Variants in ADGB observed in about 807,000 individuals in gnomAD.
ADGB encodes calpain-7-like protein.
A neutral mutation model predicts 210.5 loss-of-function variants in ADGB; 172 were observed. That is an observed-to-expected ratio of 0.82 (90% CI 0.72 to 0.93). The LOEUF is 0.93. ADGB is among the 40% of genes least tolerant of loss of function. The probability of loss-of-function intolerance (pLI) is 0.00; values close to 1 mark genes in which losing one functional copy is unlikely to be tolerated. For missense variants in ADGB, 2,025 were observed against 1,964.8 expected, an observed-to-expected ratio of 1.03 and a Z score of -0.58; for synonymous variants, 658 against 662.7, an observed-to-expected ratio of 0.99 and a Z score of 0.11.
At chr6:146,672,197 A>G in intron 7 of ADGB, 23 bp from the exon 8 acceptor site, 1 of 1,461,052 alleles carries the variant, frequency 6.8e-7, no homozygotes, top group Non-Finnish European at 9.1e-7. Context: ...TTTGGAAATT[A>G]ATGTTTTTGT....
chr6:146,734,223 C>T (rs1307287304), intron 22 of ADGB, among the ~76,000 whole-genome samples, 193 bp downstream of exon 22: 1 of 152,172 alleles, frequency 6.6e-6, no homozygotes, highest in Non-Finnish European at 1.5e-5. Context: ...GGCACAGTGC[C>T]TGGTGCATCA....
chr6:146,613,906 A>C (rs747249853), intron 1 of ADGB, among the ~76,000 whole-genome samples: 164 of 152,024 alleles, frequency 1.1e-3, no homozygotes, highest in Non-Finnish European at 2.1e-3. Context: ...TTTTAATAAA[A>C]TTATAGACTA....
chr6:146,690,633 G>A (rs1170503354), intron 10 of ADGB, among the ~76,000 whole-genome samples: 5 of 152,166 alleles, frequency 3.3e-5, no homozygotes, highest in Non-Finnish European at 5.9e-5. Flanking sequence ...GGGATCTTAT[G>A]TGGAGGAACA....
chr6:146,651,538 T>G (rs1327577692), intron 3 of ADGB, among the ~76,000 whole-genome samples: 1 of 152,214 alleles, frequency 6.6e-6, no homozygotes, highest in African/African-American at 2.4e-5. Context: ...AGGCGAAACA[T>G]GTACCCGCGG....
At chr6:146,671,064 A>G (rs1328453632) in intron 7 of ADGB, among the ~76,000 whole-genome samples, 1 of 152,196 alleles carries the variant, frequency 6.6e-6, no homozygotes, top group African/African-American at 2.4e-5. Context: ...ATTATGTGCT[A>G]TGGAATCCTA....
At position 146,763,939 on chromosome 6, in the gene ADGB, A is replaced by G; in HGVS notation, c.3589A>G (p.Lys1197Glu). Reference sequence around the variant, plus strand: ...TCTTTCATTTCACTCTGCATCCAAGAAAGAGCAAGAAGTGTATGTTAAGAA... The same window carrying G: ...TCTTTCATTTCACTCTGCATCCAAGGAAGAGCAAGAAGTGTATGTTAAGAA... ...HILSFHSASKKEQEVYVKKKA... is the reference protein window; with the variant it reads ...HILSFHSASKEEQEVYVKKKA... The change falls in exon 28 of 36, where the codon AAA becomes GAA. Residue 1197 changes from lysine (K) to glutamate (E), a missense_variant. Coordinates refer to ENST00000397944, the MANE Select transcript of ADGB (RefSeq NM_024694.4). The G allele has an allele frequency of 2.6e-6, 4 of 1,551,282 alleles. No homozygotes were observed. Among genetic ancestry groups the G allele is most frequent in the Non-Finnish European group, 3.5e-6 (4 of 1,146,786 alleles).
chr6:146,751,445 A>G (rs1483175499), intron 26 of ADGB, among the ~76,000 whole-genome samples: 4 of 152,026 alleles, frequency 2.6e-5, no homozygotes, highest in African/African-American at 9.7e-5. Flanking sequence ...GAACATATGC[A>G]TGCATGTATC....
chr6:146,729,682 A>G (rs1776950248), intron 20 of ADGB, among the ~76,000 whole-genome samples: 1 of 152,162 alleles, frequency 6.6e-6, no homozygotes, highest in South Asian at 2.1e-4. Flanking sequence ...GGCTTCAAGC[A>G]ATCCTCCTGG....
intron 35 of ADGB, among the ~76,000 whole-genome samples, chr6:146,806,517 G>A (rs1367412110): frequency 6.6e-6 from 1 of 152,048 alleles, no homozygotes; most frequent in African/African-American, 2.4e-5. Flanking sequence ...ATTATCTTTT[G>A]TAAAAACTTC....
At chr6:146,635,233 C>G (rs1206156218) in intron 1 of ADGB, 142 bp from the exon 2 acceptor site, 1 of 700,462 alleles carries the variant, frequency 1.4e-6, no homozygotes, top group African/African-American at 1.9e-5. Context: ...GTAGAAGTTG[C>G]CTAGCCACAA....
intron 14 of ADGB, among the ~76,000 whole-genome samples, chr6:146,715,866 G>A (rs957646671): frequency 3.3e-5 from 5 of 151,702 alleles, no homozygotes; most frequent in Admixed American, 1.3e-4. Context: ...TCAGTAGATC[G>A]AGACCATCCT....
intron 27 of ADGB, among the ~76,000 whole-genome samples, chr6:146,761,768 GGA>G (rs1282149284): frequency 6.6e-6 from 1 of 152,012 alleles, no homozygotes; most frequent in Non-Finnish European, 1.5e-5. Context: ...TACATAAAGT[GGA>G]TGGCTTAATA....
intron 27 of ADGB, among the ~76,000 whole-genome samples, chr6:146,754,962 T>C (rs1307958617): frequency 1.3e-5 from 2 of 152,126 alleles, no homozygotes; most frequent in African/African-American, 4.8e-5. Flanking sequence ...TTCTTAGTGA[T>C]GTGTATTAAG....
In ADGB at chr6:146,813,416, G is replaced by C. The variant is rs544922282; in HGVS notation, c.4819-1616G>C. 4.0e-5 allele frequency among the ~76,000 whole-genome samples: 6 copies of C among 151,718 alleles called. No individual in the cohort carries two copies. In the South Asian group the frequency reaches 1.3e-3, roughly 32 times the overall value. ...ATCTAAATGCTGAGATAATCCTGCT[G>C]GTTGTCTGTATTTGGGCCACAACTA... On this transcript the variant is annotated intron_variant, in intron 35 of 35. Transcript: ENST00000397944.
chr6:146,673,127 G>T (rs1433142404), intron 8 of ADGB, among the ~76,000 whole-genome samples: 1 of 152,208 alleles, frequency 6.6e-6, no homozygotes, highest in Non-Finnish European at 1.5e-5. Flanking sequence ...TTGATTTAAA[G>T]AAAGTTATAC....
At chr6:146,768,152 A>G (rs2114630095) in intron 28 of ADGB, among the ~76,000 whole-genome samples, 1 of 152,350 alleles carries the variant, frequency 6.6e-6, no homozygotes, top group East Asian at 1.9e-4. Context: ...GCAAGATGGC[A>G]TAACAGTATA....
chr6:146,711,172 T>C (rs1776651496), intron 13 of ADGB, among the ~76,000 whole-genome samples: 1 of 152,252 alleles, frequency 6.6e-6, no homozygotes, highest in Non-Finnish European at 1.5e-5. Context: ...GGATTATTAC[T>C]GCTGAAGCAA....
At chr6:146,761,696 A>G (rs1332878728) in intron 27 of ADGB, among the ~76,000 whole-genome samples, 1 of 152,126 alleles carries the variant, frequency 6.6e-6, no homozygotes, top group African/African-American at 2.4e-5. Flanking sequence ...ACCTAGGACT[A>G]AAAATACATA....
Position 146,663,182 on chromosome 6 carries a change from T to TATATATTTATTATATATTATATATA in ADGB, c.613-1013_613-1012insTTATTATATATTATATATAATATAT, listed in dbSNP as rs1562268255. Among the ~76,000 whole-genome samples the TATATATTTATTATATATTATATATA allele has an allele frequency of 2.0e-3, 289 of 141,018 alleles. 1 individual carries two copies. The highest frequency in any genetic ancestry group is 4.6e-3 in the African/African-American group (177 of 38,558). 92.5% of individuals were successfully genotyped at this position (141,018 alleles called of 152,430 possible). On this transcript the variant is annotated intron_variant, in intron 5 of 35. Coordinates refer to ENST00000397944, the MANE Select transcript of ADGB (RefSeq NM_024694.4). The stretch of plus-strand genomic sequence containing the variant: ...TATATATTTATTATATATTATATAT[T>TATATATTTATTATATATTATATATA]ATATATAATAATATTAAGGTTTTTT...
Sources: gnomAD v4.1 joint callset for allele counts (sites outside exome capture counted in the v4.1 genomes callset) on GRCh38, gnomAD v4.1.1 for gene constraint, MANE v1.5 for transcripts, NCBI Gene and HGNC (gene_info 2026-07-23, HGNC 2026-07-21) for gene names.